Variants in ARID1B observed in about 807,000 individuals in gnomAD.
The protein encoded by ARID1B is AT-rich interactive domain-containing protein 1B.
A neutral mutation model predicts 212.3 loss-of-function variants in ARID1B; 30 were observed. The ratio of observed to expected loss-of-function variants is 0.14; its 90% CI spans 0.11 to 0.19. The LOEUF is 0.19. Among genes scored for constraint, ARID1B ranks in the 10% least tolerant of loss-of-function variants. The pLI, the probability that ARID1B is intolerant of heterozygous loss-of-function variation, is 1.00. For missense variants in ARID1B, 2,891 were observed against 3,204.0 expected (o/e 0.90, Z 2.36); for synonymous variants, 1,402 against 1,301.7 (o/e 1.08, Z -1.66).
At chr6:157,172,549 AT>A (rs1791788915) in intron 9 of ARID1B, among the ~76,000 whole-genome samples, 1 of 152,158 alleles carries the variant, frequency 6.6e-6, no homozygotes, top group African/African-American at 2.4e-5. Context: ...TTCAAAGTGT[AT>A]TGTTGAGTGT....
chr6:157,165,566 T>A (rs1437379314), intron 8 of ARID1B, among the ~76,000 whole-genome samples: 3 of 151,148 alleles, frequency 2.0e-5, no homozygotes, highest in African/African-American at 2.4e-5. Context: ...AAAAAAAAAA[T>A]GATTTATGGA....
At chr6:156,988,729 A>G (rs546617296) in intron 4 of ARID1B, among the ~76,000 whole-genome samples, 5 of 152,246 alleles carry the variant, frequency 3.3e-5, no homozygotes, top group South Asian at 2.1e-4. Context: ...GTGCGCTTCA[A>G]TCACTTCCGA....
chr6:156,919,735 G>A (rs1180183874), intron 3 of ARID1B, among the ~76,000 whole-genome samples: 1 of 152,234 alleles, frequency 6.6e-6, no homozygotes, highest in Non-Finnish European at 1.5e-5. Flanking sequence ...AGGAGGCTGA[G>A]GCAGGAGGAT....
intron 1 of ARID1B, among the ~76,000 whole-genome samples, chr6:156,781,343 A>G (rs960065559): frequency 9.9e-5 from 15 of 152,060 alleles, no homozygotes; most frequent in Non-Finnish European, 2.1e-4. Flanking sequence ...AACTGCTTAC[A>G]CGATGAATTA....
At chr6:156,937,339 A>G (rs1312528319) in intron 4 of ARID1B, 2 of 152,144 alleles carry the variant, frequency 1.3e-5, no homozygotes, top group African/African-American at 4.8e-5. Flanking sequence ...GTAAACAGTG[A>G]ATTCCACTTT....
In ARID1B at chr6:157,133,044, A is replaced by G. The variant is rs1289398973; in HGVS notation, c.2598A>G (p.Thr866=). 3 of 1,599,628 alleles carry G rather than the reference A, an allele frequency of 1.9e-6. No individual in the cohort carries two copies. The change falls in exon 7 of 20, where the codon ACA becomes ACG. Residue 866 remains threonine (T), a synonymous_variant. Transcript: ENST00000636930. The part of the protein sequence containing the change: ...MPQERGFMAG[T]QRNPQMAQYG... ...CCCACTTAGGTTTTATGGCAGGCAC[A>G]CAAAGAAACCCTCAGATGGCTCAGT...
In ARID1B at chr6:157,110,866, A is replaced by C. The variant is rs141620675; in HGVS notation, c.2581+305A>C. On this transcript the variant is annotated intron_variant, in intron 6 of 19. Coordinates refer to ENST00000636930, the MANE Select transcript of ARID1B (RefSeq NM_001374828.1). ...TGGTATTTGGTCTAGCTGTGTAAAA[A>C]TAACTGTGAATGACTCAACTAGGGT... 9.7e-4 allele frequency: 395 copies of C among 408,462 alleles called. 1 individual carries two copies. Among genetic ancestry groups the C allele is most frequent in the African/African-American group, 7.3e-3 (371 of 50,534 alleles). The allele number at this position is 408,462 out of a possible 1,614,324, so 25.3% of individuals were successfully genotyped here.
chr6:156,967,052 C>T (rs1454075491), intron 4 of ARID1B, among the ~76,000 whole-genome samples: 2 of 152,274 alleles, frequency 1.3e-5, no homozygotes, highest in South Asian at 2.1e-4. Flanking sequence ...AGTAACTCAG[C>T]CCATTTTCTT....
intron 4 of ARID1B, among the ~76,000 whole-genome samples, chr6:157,021,942 C>T (rs1215455704): frequency 6.6e-6 from 1 of 152,198 alleles, no homozygotes; most frequent in Non-Finnish European, 1.5e-5. Context: ...GCGCCCAGCG[C>T]TTAAGGTTTT....
At chr6:157,056,710 T>A (rs1461565421) in intron 4 of ARID1B, among the ~76,000 whole-genome samples, 2 of 152,152 alleles carry the variant, frequency 1.3e-5, no homozygotes, top group African/African-American at 2.4e-5. Context: ...TCAGAAAAAA[T>A]TTTTGTCTAA....
chr6:157,100,087 A>G (rs1785959706), intron 5 of ARID1B, among the ~76,000 whole-genome samples: 1 of 152,166 alleles, frequency 6.6e-6, no homozygotes, highest in Non-Finnish European at 1.5e-5. Context: ...CAGGGGCTTA[A>G]CTCCTTCAAG....
chr6:156,838,846 A>G (rs943721208), intron 2 of ARID1B, among the ~76,000 whole-genome samples: 1 of 152,158 alleles, frequency 6.6e-6, no homozygotes, highest in East Asian at 1.9e-4. Context: ...TTATTGGCCT[A>G]TGGGATCTGT....
intron 4 of ARID1B, among the ~76,000 whole-genome samples, chr6:157,066,777 C>T (rs867738218): frequency 6.6e-6 from 1 of 152,228 alleles, no homozygotes; most frequent in South Asian, 2.1e-4. Context: ...GAAGGAGATG[C>T]ACTTGAATTA....
intron 2 of ARID1B, among the ~76,000 whole-genome samples, chr6:156,839,633 G>A (rs1783754066): frequency 6.6e-6 from 1 of 152,140 alleles, no homozygotes; most frequent in Admixed American, 6.5e-5. Flanking sequence ...ATAAAAGGAT[G>A]GGAAGAGTGA....
At chr6:156,891,231 G>A (rs998183890) in intron 2 of ARID1B, among the ~76,000 whole-genome samples, 2 of 152,166 alleles carry the variant, frequency 1.3e-5, no homozygotes, top group African/African-American at 2.4e-5. Flanking sequence ...ATCTTCCTGT[G>A]AAATCAGGAG....
rs540233835 is a variant in ARID1B at position 157,100,398 on chromosome 6, G to C, written c.2492-10074G>C. ...TGTTAACCGGAACCACTAAGCGGAAGCCTGAGCAGATTCTGTATTTCAGTA... is the reference window on the plus strand; with the variant it reads ...TGTTAACCGGAACCACTAAGCGGAACCCTGAGCAGATTCTGTATTTCAGTA... On this transcript the variant is annotated intron_variant, in intron 5 of 19. Transcript: ENST00000636930. Among the ~76,000 whole-genome samples the C allele has an allele frequency of 1.1e-4, 17 of 152,320 alleles. No individual in the cohort carries two copies. In the South Asian group the frequency reaches 2.7e-3, roughly 24 times the overall value.
intron 1 of ARID1B, among the ~76,000 whole-genome samples, chr6:156,781,033 T>C (rs1423025179): frequency 6.6e-6 from 1 of 152,230 alleles, no homozygotes. Context: ...ATTTTGGTGA[T>C]GTGTAATTCA....
intron 4 of ARID1B, among the ~76,000 whole-genome samples, chr6:156,969,144 A>G (rs907131988): frequency 5.9e-5 from 9 of 152,326 alleles, no homozygotes; most frequent in Middle Eastern, 3.4e-3. Context: ...TGACCTTGCA[A>G]TGGACTTGAG....
chr6:156,965,761 T>C (rs1226640451), intron 4 of ARID1B, among the ~76,000 whole-genome samples: 1 of 152,242 alleles, frequency 6.6e-6, no homozygotes, highest in Non-Finnish European at 1.5e-5. Flanking sequence ...AATAAGATTT[T>C]TTTATTGTTA....
Sources: allele counts gnomAD v4.1 joint callset (sites outside exome capture counted in the v4.1 genomes callset), GRCh38; gene constraint gnomAD v4.1.1; transcripts MANE v1.5; gene names NCBI Gene and HGNC (gene_info 2026-07-23, HGNC 2026-07-21).